Variants in KLF12 observed in about 807,000 individuals in gnomAD.
KLF12 encodes KLF transcription factor 12.
KLF12 carries 9 observed loss-of-function variants against 37.8 expected under a neutral mutation model. The observed-to-expected ratio is 0.24, with a 90% CI of 0.14 to 0.42. The LOEUF (loss-of-function observed/expected upper bound fraction) is 0.42. KLF12 is among the 10% of genes least tolerant of loss of function. The probability of loss-of-function intolerance (pLI) is 1.00; values close to 1 mark genes in which losing one functional copy is unlikely to be tolerated. For missense variants in KLF12, 411 were observed against 516.0 expected, an observed-to-expected ratio of 0.80 and a Z score of 1.97; for synonymous variants, 208 against 202.1, an observed-to-expected ratio of 1.03 and a Z score of -0.25.
the KLF12 span, among the ~76,000 whole-genome samples, chr13:74,266,511 A>C: frequency 6.6e-6 from 1 of 152,154 alleles, no homozygotes; most frequent in Non-Finnish European, 1.5e-5. Flanking sequence ...GTTCCAAGCC[A>C]ATCTTAAATG....
intron 3 of KLF12, among the ~76,000 whole-genome samples, chr13:73,886,232 A>G (rs1887217452): frequency 6.6e-6 from 1 of 152,328 alleles, no homozygotes; most frequent in Admixed American, 6.5e-5. Context: ...CATTCTGACT[A>G]TATAGTTAAA....
intron 5 of KLF12, among the ~76,000 whole-genome samples, chr13:73,805,312 T>C (rs1882502990): frequency 6.6e-6 from 1 of 152,060 alleles, no homozygotes; most frequent in African/African-American, 2.4e-5. Flanking sequence ...AACAATGGAT[T>C]TGAAGATTAG....
chr13:73,704,011 A>G (rs1345377997), intron 7 of KLF12, among the ~76,000 whole-genome samples: 1 of 152,156 alleles, frequency 6.6e-6, no homozygotes, highest in Non-Finnish European at 1.5e-5. Flanking sequence ...AAAAGACAAT[A>G]TTTTATTTGG....
chr13:73,812,483 TTAAG>T (rs1882993382), intron 5 of KLF12, among the ~76,000 whole-genome samples: 1 of 152,050 alleles, frequency 6.6e-6, no homozygotes. Flanking sequence ...CACATATACT[TTAAG>T]TATATAAAGT....
intron 7 of KLF12, among the ~76,000 whole-genome samples, chr13:73,699,573 G>A (rs899967231): frequency 2.0e-5 from 3 of 152,106 alleles, no homozygotes; most frequent in African/African-American, 7.2e-5. Context: ...ACTTCACCTG[G>A]TAACCAAAAG....
chr13:73,833,367 G>C (rs1223306233), intron 4 of KLF12, among the ~76,000 whole-genome samples: 1 of 152,114 alleles, frequency 6.6e-6, no homozygotes, highest in Non-Finnish European at 1.5e-5. Context: ...TATCTATAAG[G>C]TACCACCAAA....
intron 3 of KLF12, among the ~76,000 whole-genome samples, chr13:73,876,239 A>T (rs1236682864): frequency 6.6e-6 from 1 of 151,858 alleles, no homozygotes; most frequent in Non-Finnish European, 1.5e-5. Flanking sequence ...ACCACAGATT[A>T]TTGGCTGAAT....
intron 3 of KLF12, among the ~76,000 whole-genome samples, chr13:73,909,966 A>T (rs1888493043): frequency 6.6e-6 from 1 of 151,958 alleles, no homozygotes. Context: ...ATACTTTCAA[A>T]CGTTATTTTT....
intron 4 of KLF12, 137 bp from the exon 5 acceptor site, chr13:73,813,424 AG>A: frequency 1.1e-6 from 1 of 941,168 alleles, no homozygotes; most frequent in Admixed American, 2.4e-5. Flanking sequence ...AATCAGTGAA[AG>A]CTCCAGGTTT....
chr13:73,938,586 A>G (rs1402531518), intron 3 of KLF12, among the ~76,000 whole-genome samples: 1 of 152,256 alleles, frequency 6.6e-6, no homozygotes, highest in Non-Finnish European at 1.5e-5. Context: ...ATGATGAGGA[A>G]TAACAAGAAA....
chr13:73,810,021 G>A (rs61957288), intron 5 of KLF12, among the ~76,000 whole-genome samples: 33,700 of 152,120 alleles, frequency 0.22, 4,409 homozygotes, highest in Middle Eastern at 0.36. Context: ...CAAGGCAGGC[G>A]GATCACTTAA....
At chr13:74,221,774 G>A in the KLF12 span, among the ~76,000 whole-genome samples, 4 of 152,294 alleles carry the variant, frequency 2.6e-5, no homozygotes, top group African/African-American at 4.8e-5. Context: ...AGGGGTGCAT[G>A]ATCTTGGGAA....
At chr13:73,875,450 G>A (rs1444775252) in intron 3 of KLF12, among the ~76,000 whole-genome samples, 1 of 152,080 alleles carries the variant, frequency 6.6e-6, no homozygotes, top group Non-Finnish European at 1.5e-5. Context: ...TAAGTGTAGT[G>A]GTTAGAAAAC....
intron 3 of KLF12, among the ~76,000 whole-genome samples, chr13:73,912,063 T>C (rs746536878): frequency 1.3e-5 from 2 of 152,242 alleles, no homozygotes; most frequent in Non-Finnish European, 2.9e-5. Flanking sequence ...GTTTCTAAAA[T>C]AGTTTCCACA....
At chr13:74,083,858 A>C (rs1875088104) in intron 1 of KLF12, among the ~76,000 whole-genome samples, 1 of 152,198 alleles carries the variant, frequency 6.6e-6, no homozygotes, top group African/African-American at 2.4e-5. Context: ...AATAAAAAGT[A>C]ATTCATTTTG....
At chr13:73,711,202 A>G (rs1270083147) in intron 7 of KLF12, among the ~76,000 whole-genome samples, 2 of 152,234 alleles carry the variant, frequency 1.3e-5, no homozygotes, top group Admixed American at 6.5e-5. Context: ...TCCATAACAT[A>G]TAAGTGCAAG....
chr13:74,237,369 G>T, the KLF12 span, among the ~76,000 whole-genome samples: 2 of 144,540 alleles, frequency 1.4e-5, no homozygotes, highest in Admixed American at 1.3e-4. Context: ...TTGAAGTCAG[G>T]TAGTGTGATG....
At chr13:73,894,363 TAC>T (rs1311018910) in intron 3 of KLF12, among the ~76,000 whole-genome samples, 4 of 152,330 alleles carry the variant, frequency 2.6e-5, no homozygotes, top group African/African-American at 9.6e-5. Flanking sequence ...GTAAGTAAGA[TAC>T]AGAGTGTCAT....
the KLF12 span, among the ~76,000 whole-genome samples, chr13:74,223,930 AAGTC>A: frequency 6.6e-6 from 1 of 152,128 alleles, no homozygotes; most frequent in African/African-American, 2.4e-5. Context: ...GAAGTGGAGA[AAGTC>A]AGTATCTTGT....
Sources: gnomAD v4.1 joint callset for allele counts (sites outside exome capture counted in the v4.1 genomes callset) on GRCh38, gnomAD v4.1.1 for gene constraint, MANE v1.5 for transcripts, NCBI Gene and HGNC (gene_info 2026-07-23, HGNC 2026-07-21) for gene names.